CETN3: variants seen among roughly 807,000 people sequenced by gnomAD.
CETN3 encodes the protein centrin 3.
In CETN3, 17 loss-of-function variants were observed where a neutral mutation model predicts 20.1. The ratio of observed to expected loss-of-function variants is 0.85; its 90% CI spans 0.58 to 1.27. CETN3 has a LOEUF of 1.27. Among genes scored for constraint, CETN3 ranks in the 50% most tolerant of loss-of-function variants. CETN3 has a pLI of 0.00. For synonymous variants in CETN3, 52 were observed against 59.7 expected, an observed-to-expected ratio of 0.87 and a Z score of 0.59; for missense variants, 169 against 191.2, an observed-to-expected ratio of 0.88 and a Z score of 0.69.
At chr5:90,403,592 C>T (rs1749356198) in intron 3 of CETN3, among the ~76,000 whole-genome samples, 1 of 152,076 alleles carries the variant, frequency 6.6e-6, no homozygotes, top group South Asian at 2.1e-4. Context: ...CAATTTTTGG[C>T]CGGGCGCGGT....
intron 1 of CETN3, among the ~76,000 whole-genome samples, chr5:90,408,463 A>T (rs1000223089): frequency 6.6e-6 from 1 of 152,234 alleles, no homozygotes; most frequent in South Asian, 2.1e-4. Context: ...GAGTCTAAAC[A>T]TATGACAAAT....
chr5:90,402,907 T>C (rs1749335885), intron 3 of CETN3, among the ~76,000 whole-genome samples: 1 of 152,206 alleles, frequency 6.6e-6, no homozygotes, highest in African/African-American at 2.4e-5. Context: ...CCCAGTACAG[T>C]ACCTAATACC....
At position 90,407,853 on chromosome 5, in the gene CETN3, A is replaced by T; in HGVS notation, c.18-19T>A. On this transcript the variant is annotated intron_variant, in intron 1 of 4. Transcript: ENST00000283122. ...CTCACTTCTATGAAATGGAAAGAAA[A>T]AGCCCTTAGTCCACTTTAATTCTCT... 6.4e-7 allele frequency: 1 copy of T among 1,557,740 alleles called. No individual in the cohort carries two copies. Among genetic ancestry groups the T allele is most frequent in the Non-Finnish European group, 8.6e-7 (1 of 1,156,694 alleles).
chr5:90,398,893 T>C (rs1749206979), intron 4 of CETN3, among the ~76,000 whole-genome samples: 1 of 152,180 alleles, frequency 6.6e-6, no homozygotes. Flanking sequence ...CCTTTTTCAT[T>C]GTGTAGCACC....
chr5:90,395,357 T>C (rs908583651), intron 4 of CETN3, among the ~76,000 whole-genome samples: 14 of 152,194 alleles, frequency 9.2e-5, no homozygotes, highest in South Asian at 6.2e-4. Flanking sequence ...AAGTGTAACA[T>C]TGGTATCATA....
At position 90,405,800 on chromosome 5, in the gene CETN3, CT is replaced by C; in HGVS notation, c.154-2del. 4 of 1,590,056 alleles carry C rather than the reference CT, an allele frequency of 2.5e-6. No homozygotes were observed. The highest frequency in any genetic ancestry group is 2.6e-6 in the Non-Finnish European group (3 of 1,166,212). On this transcript the variant is annotated splice_acceptor_variant, in intron 2 of 4. Coordinates refer to ENST00000283122, the MANE Select transcript of CETN3 (RefSeq NM_004365.4). LOFTEE classifies it high-confidence loss of function. ...CAAACCCCAAGGCTCTCATTGCCAC[CT>C]TTTGGATTAAAAAGGAAAAGCAAAT...
At chr5:90,406,968 T>C (rs778502889) in intron 2 of CETN3, among the ~76,000 whole-genome samples, 4 of 151,938 alleles carry the variant, frequency 2.6e-5, no homozygotes, top group Admixed American at 6.6e-5. Flanking sequence ...GCATAGTTCC[T>C]ATCCCTACTT....
At chr5:90,397,853 C>T (rs1217694827) in intron 4 of CETN3, among the ~76,000 whole-genome samples, 1 of 152,032 alleles carries the variant, frequency 6.6e-6, no homozygotes, top group Non-Finnish European at 1.5e-5. Flanking sequence ...CTATTATACA[C>T]ATGTATAGGT....
chr5:90,406,963 G>C (rs1749465620), intron 2 of CETN3, among the ~76,000 whole-genome samples: 1 of 151,508 alleles, frequency 6.6e-6, no homozygotes, highest in Non-Finnish European at 1.5e-5. Flanking sequence ...TCACTGCATA[G>C]TTCCTATCCC....
intron 3 of CETN3, 150 bp downstream of exon 3, chr5:90,405,535 A>C (rs957596779): frequency 5.2e-5 from 30 of 574,896 alleles, no homozygotes; most frequent in East Asian, 3.4e-4. Flanking sequence ...TGAAAAAAAA[A>C]CCAACAAAAC....
At chr5:90,398,767 A>G (rs149308023) in intron 4 of CETN3, among the ~76,000 whole-genome samples, 1 of 152,356 alleles carries the variant, frequency 6.6e-6, no homozygotes, top group East Asian at 1.9e-4. Flanking sequence ...TCAAATGTAT[A>G]TTTTAGGAAA....
At position 90,407,849 on chromosome 5, in the gene CETN3, G is replaced by A. The variant is rs1324709534; in HGVS notation, c.18-15C>T. ...CAAGCTCACTTCTATGAAATGGAAAGAAAAAGCCCTTAGTCCACTTTAATT... is the reference window on the plus strand; with the variant it reads ...CAAGCTCACTTCTATGAAATGGAAAAAAAAAGCCCTTAGTCCACTTTAATT... On this transcript the variant is annotated splice_polypyrimidine_tract_variant and intron_variant, in intron 1 of 4. Coordinates refer to ENST00000283122, the MANE Select transcript of CETN3 (RefSeq NM_004365.4). 2 of 1,555,010 alleles carry A rather than the reference G, an allele frequency of 1.3e-6. No homozygotes were observed. The highest frequency in any genetic ancestry group is 2.0e-5 in the Admixed American group (1 of 49,078).
intron 3 of CETN3, 145 bp downstream of exon 3, chr5:90,405,540 C>G (rs1749414223): frequency 5.4e-6 from 3 of 554,136 alleles, no homozygotes; most frequent in East Asian, 6.5e-5. Flanking sequence ...AAAAAACCAA[C>G]AAAACAAAAC....
Position 90,407,770 on chromosome 5 carries a change from G to C in CETN3, c.82C>G (p.Gln28Glu). ...KRRELSEEQK[Q>E]EIKDAFELFD... ...AGTTCAAAAGCATCTTTAATTTCTT[G>C]TTTCTGTTCCTCAGACAGTTCTCTT... The change falls in exon 2 of 5, where the codon CAA becomes GAA. Residue 28 changes from glutamine (Q) to glutamate (E), a missense_variant. Coordinates refer to ENST00000283122, the MANE Select transcript of CETN3 (RefSeq NM_004365.4). The C allele has an allele frequency of 6.2e-7, 1 of 1,601,502 alleles. No individual in the cohort carries two copies. The highest frequency in any genetic ancestry group is 1.3e-5 in the African/African-American group (1 of 74,636).
chr5:90,396,017 TGAAAAAAAA>T (rs1299356092), intron 4 of CETN3: 4 of 892,574 alleles, frequency 4.5e-6, no homozygotes, highest in Admixed American at 6.2e-5. Context: ...AAATCAGTGT[TGAAAAAAAA>T]TCCTTCACAA....
At chr5:90,395,656 T>G (rs964914005) in intron 4 of CETN3, 2 of 165,088 alleles carry the variant, frequency 1.2e-5, no homozygotes, top group African/African-American at 4.8e-5. Flanking sequence ...TCTTGATATA[T>G]GAAATTTATT....
At chr5:90,401,785 A>T (rs766183874) in intron 3 of CETN3, among the ~76,000 whole-genome samples, 11 of 152,204 alleles carry the variant, frequency 7.2e-5, no homozygotes, top group Non-Finnish European at 1.6e-4. Context: ...TTTGAAAAGC[A>T]TAAATCATTT....
intron 3 of CETN3, among the ~76,000 whole-genome samples, chr5:90,404,572 T>C (rs563521710): frequency 1.1e-4 from 17 of 152,212 alleles, no homozygotes; most frequent in Non-Finnish European, 2.4e-4. Flanking sequence ...AACAGTCATA[T>C]ATTAGTTCAT....
intron 1 of CETN3, 139 bp downstream of exon 1, chr5:90,409,506 G>A (rs990786873): frequency 5.3e-6 from 5 of 947,994 alleles, no homozygotes; most frequent in Non-Finnish European, 8.4e-6. Flanking sequence ...GATCCGGGCA[G>A]GCTGCCCTAG....
Sources: gnomAD v4.1 joint callset for allele counts (sites outside exome capture counted in the v4.1 genomes callset) on GRCh38, gnomAD v4.1.1 for gene constraint, MANE v1.5 for transcripts, NCBI Gene and HGNC (gene_info 2026-07-23, HGNC 2026-07-21) for gene names.